The following LRRC69 variants were observed in gnomAD, a reference collection of about 807,000 sequenced individuals.
The protein encoded by LRRC69 is leucine rich repeat containing 69.
LRRC69 carries 42 observed loss-of-function variants against 37.8 expected under a neutral mutation model. The ratio of observed to expected loss-of-function variants is 1.11; its 90% CI spans 0.87 to 1.44. LRRC69 has a LOEUF of 1.44. Among genes scored for constraint, LRRC69 ranks in the 40% most tolerant of loss-of-function variants. The pLI is 0.00. For missense variants in LRRC69, 357 were observed against 401.9 expected (o/e 0.89, Z 0.96); for synonymous variants, 141 against 143.1 (o/e 0.99, Z 0.11).
chr8:91,129,874 C>T (rs1394149410), intron 3 of LRRC69, among the ~76,000 whole-genome samples: 2 of 152,030 alleles, frequency 1.3e-5, no homozygotes, highest in African/African-American at 4.8e-5. Context: ...CTTCTGTCTT[C>T]TCCATTCTAC....
chr8:91,191,151 G>T (rs1388241533), intron 6 of LRRC69, among the ~76,000 whole-genome samples: 1 of 150,908 alleles, frequency 6.6e-6, no homozygotes, highest in Non-Finnish European at 1.5e-5. Flanking sequence ...AAATGTAACT[G>T]CTGGGCCAAA....
intron 1 of LRRC69, among the ~76,000 whole-genome samples, chr8:91,103,285 T>C (rs1329511574): frequency 6.6e-6 from 1 of 151,628 alleles, no homozygotes; most frequent in Non-Finnish European, 1.5e-5. Flanking sequence ...AGGGAGTTCC[T>C]TTTCAATTTC....
intron 6 of LRRC69, among the ~76,000 whole-genome samples, chr8:91,192,757 G>A (rs1586277060): frequency 6.6e-6 from 1 of 151,128 alleles, no homozygotes; most frequent in Admixed American, 6.6e-5. Context: ...CCCTTTGTTA[G>A]ATGAGTAGGT....
intron 5 of LRRC69, among the ~76,000 whole-genome samples, chr8:91,182,251 TA>T (rs1809337880): frequency 6.6e-6 from 1 of 152,158 alleles, no homozygotes; most frequent in African/African-American, 2.4e-5. Context: ...AAGATTTTTT[TA>T]AAAACAGTTT....
intron 5 of LRRC69, among the ~76,000 whole-genome samples, chr8:91,175,702 T>G: frequency 6.6e-6 from 1 of 152,232 alleles, no homozygotes; most frequent in African/African-American, 2.4e-5. Flanking sequence ...AAGGGGGGCA[T>G]CAACAGAGTA....
intron 5 of LRRC69, among the ~76,000 whole-genome samples, chr8:91,163,438 C>G (rs1808979523): frequency 1.3e-5 from 2 of 150,924 alleles, no homozygotes; most frequent in South Asian, 2.1e-4. Context: ...GACTGAATAG[C>G]TTTATCATAG....
intron 5 of LRRC69, among the ~76,000 whole-genome samples, chr8:91,169,239 C>A (rs1563612489): frequency 6.6e-6 from 1 of 151,742 alleles, no homozygotes; most frequent in Non-Finnish European, 1.5e-5. Flanking sequence ...ACAACAGACA[C>A]AGCGGCCTAT....
chr8:91,109,084 A>G (rs1400541724), intron 1 of LRRC69, among the ~76,000 whole-genome samples: 1 of 152,046 alleles, frequency 6.6e-6, no homozygotes, highest in Non-Finnish European at 1.5e-5. Flanking sequence ...AAGCCTGGCT[A>G]TCAAAACAGG....
At chr8:91,167,003 T>G (rs1303097372) in intron 5 of LRRC69, among the ~76,000 whole-genome samples, 1 of 151,828 alleles carries the variant, frequency 6.6e-6, no homozygotes, top group Non-Finnish European at 1.5e-5. Flanking sequence ...AGTTACAGTT[T>G]TTGCCCCACT....
intron 1 of LRRC69, among the ~76,000 whole-genome samples, chr8:91,121,873 A>G (rs945311340): frequency 6.6e-5 from 10 of 151,996 alleles, no homozygotes; most frequent in Non-Finnish European, 1.2e-4. Flanking sequence ...TTGTTTATGG[A>G]TATATTTCTA....
intron 7 of LRRC69, among the ~76,000 whole-genome samples, chr8:91,204,553 A>G (rs970411806): frequency 6.6e-6 from 1 of 152,144 alleles, no homozygotes; most frequent in Non-Finnish European, 1.5e-5. Context: ...AAAGTCTTTC[A>G]CTTTACTCCA....
Position 91,214,038 on chromosome 8 carries a change from T to C in LRRC69, c.934-4852T>C, listed in dbSNP as rs1269344387. Among the ~76,000 whole-genome samples the C allele has an allele frequency of 3.3e-5, 5 of 152,192 alleles. No individual in the cohort carries two copies. The East Asian group carries it at 9.7e-4, about 29-fold the overall frequency. ...TATATGTGTTCGTGTGTGTGTGTTT[T>C]AGAAAGAGTCACTTGGCAATAGTGT... On this transcript the variant is annotated intron_variant, in intron 7 of 7. Transcript: ENST00000448384.
intron 5 of LRRC69, among the ~76,000 whole-genome samples, chr8:91,141,888 CATT>C (rs1207675422): frequency 1.3e-5 from 2 of 151,816 alleles, no homozygotes; most frequent in South Asian, 2.1e-4. Context: ...AAAGAAAAAA[CATT>C]ATTATTTGCT....
At chr8:91,197,807 T>C (rs577796493) in intron 6 of LRRC69, among the ~76,000 whole-genome samples, 1 of 152,012 alleles carries the variant, frequency 6.6e-6, no homozygotes, top group African/African-American at 2.4e-5. Context: ...CCGTCTTCTG[T>C]GTCGCTCACG....
At chr8:91,180,016 T>C (rs1186351039) in intron 5 of LRRC69, among the ~76,000 whole-genome samples, 1 of 152,214 alleles carries the variant, frequency 6.6e-6, no homozygotes, top group Non-Finnish European at 1.5e-5. Context: ...CTGTTCTTAG[T>C]AGGTGTTGGG....
intron 5 of LRRC69, chr8:91,158,898 G>C: frequency 1.7e-6 from 1 of 596,592 alleles, no homozygotes; most frequent in East Asian, 2.9e-5. Context: ...TGCATTTGTG[G>C]GGGAAAACTA....
chr8:91,107,061 C>G (rs1387581811), intron 1 of LRRC69, among the ~76,000 whole-genome samples: 2 of 151,242 alleles, frequency 1.3e-5, no homozygotes, highest in Non-Finnish European at 2.9e-5. Flanking sequence ...CTCAGCCTCC[C>G]AAAGTGCTGG....
At chr8:91,127,234 A>G in intron 3 of LRRC69, 74 bp downstream of exon 3, 1 of 1,112,202 alleles carries the variant, frequency 9.0e-7, no homozygotes, top group Middle Eastern at 2.0e-4. Context: ...ATTTGAAAGC[A>G]TTATGCCTAG....
chr8:91,104,165 TA>T (rs1813267779), intron 1 of LRRC69, among the ~76,000 whole-genome samples: 4 of 152,070 alleles, frequency 2.6e-5, no homozygotes. Flanking sequence ...AGGTATCTTT[TA>T]CATGTAATGT....
Sources: gnomAD v4.1 joint callset for allele counts (sites outside exome capture counted in the v4.1 genomes callset) on GRCh38, gnomAD v4.1.1 for gene constraint, MANE v1.5 for transcripts, NCBI Gene and HGNC (gene_info 2026-07-23, HGNC 2026-07-21) for gene names.